The following CEP95 variants were observed in gnomAD, a reference collection of about 807,000 sequenced individuals.
The protein encoded by CEP95 is centrosomal protein 95.
CEP95 carries 98 observed loss-of-function variants against 111.2 expected under a neutral mutation model. The ratio of observed to expected loss-of-function variants is 0.88; its 90% confidence interval spans 0.75 to 1.04. The LOEUF (loss-of-function observed/expected upper bound fraction) is 1.04, where lower values mean the gene tolerates loss of function less well. CEP95 is among the 50% of genes least tolerant of loss of function. The pLI is 0.00. For synonymous variants in CEP95, 323 were observed against 327.1 expected, an observed-to-expected ratio of 0.99 and a Z score of 0.14; for missense variants, 1,027 against 977.2, an observed-to-expected ratio of 1.05 and a Z score of -0.68.
intron 11 of CEP95, among the ~76,000 whole-genome samples, chr17:64,528,378 C>G (rs1443825876): frequency 6.6e-6 from 1 of 152,106 alleles, no homozygotes; most frequent in Non-Finnish European, 1.5e-5. Flanking sequence ...AAGGACTCAG[C>G]TAATTTCTAG....
chr17:64,527,310 A>G, intron 11 of CEP95, 46 bp downstream of exon 11: 1 of 1,448,232 alleles, frequency 6.9e-7, no homozygotes, highest in Non-Finnish European at 9.3e-7. Flanking sequence ...CATGTGAACT[A>G]CTTAGGCAGT....
chr17:64,522,622 TATAG>T, intron 7 of CEP95, 76 bp from the exon 8 acceptor site: 2 of 854,034 alleles, frequency 2.3e-6, no homozygotes, highest in Non-Finnish European at 3.7e-6. Flanking sequence ...AACATGTTTA[TATAG>T]GTATGTATGT....
chr17:64,536,064 A>C (rs1555681483), intron 17 of CEP95: 1 of 152,248 alleles, frequency 6.6e-6, no homozygotes, highest in Admixed American at 6.5e-5. Context: ...GGACAGGGGG[A>C]ATGAGCACTA....
intron 2 of CEP95, 73 bp downstream of exon 2, chr17:64,508,793 C>T (rs1216028083): frequency 3.2e-6 from 2 of 626,572 alleles, no homozygotes; most frequent in African/African-American, 3.8e-5. Context: ...TAGTTAGATT[C>T]TTTGATATTT....
rs1555679804 is a variant in CEP95 at position 64,529,375 on chromosome 17, GA to G, written c.1399del (p.Arg467GlyfsTer26). 3 of 1,613,720 alleles carry G rather than the reference GA, an allele frequency of 1.9e-6. No individual in the cohort carries two copies. Among genetic ancestry groups the G allele is most frequent in the Non-Finnish European group, 1.7e-6 (2 of 1,179,834 alleles). On this transcript the variant is annotated frameshift_variant, in exon 12 of 20. Transcript: ENST00000556440. LOFTEE classifies it high-confidence loss of function. The part of the protein sequence containing the change: ...VNKHKQFHLE[R>X]KRQRKPRETD... ...AAACACAAACAGTTCCACTTGGAGA[GA>G]AAAAGGCAGCGCAAGCCAAGAGAAA...
rs28624236 is a variant in CEP95 at position 64,509,514 on chromosome 17, A to G, written c.149-659A>G. ...AGCCTGGCCAATATGGCAAAATGCCATCTCTGCTAAAAATACAAAAATTAG... is the reference window on the plus strand; with the variant it reads ...AGCCTGGCCAATATGGCAAAATGCCGTCTCTGCTAAAAATACAAAAATTAG... On this transcript the variant is annotated intron_variant, in intron 2 of 19. Coordinates refer to ENST00000556440, the MANE Select transcript of CEP95 (RefSeq NM_138363.3). Among the ~76,000 whole-genome samples, 1,220 of 152,270 alleles carry G rather than the reference A, an allele frequency of 8.0e-3. 17 individuals are homozygous for G. Among genetic ancestry groups the G allele is most frequent in the African/African-American group, 0.028 (1,155 of 41,558 alleles).
At chr17:64,512,441 C>T (rs1555675375) in intron 3 of CEP95, among the ~76,000 whole-genome samples, 1 of 152,100 alleles carries the variant, frequency 6.6e-6, no homozygotes, top group Admixed American at 6.5e-5. Context: ...ATACTGTATT[C>T]TAAAACTAAG....
At chr17:64,526,302 T>C in intron 10 of CEP95, 102 bp downstream of exon 10, 1 of 1,115,018 alleles carries the variant, frequency 9.0e-7, no homozygotes, top group East Asian at 2.5e-5. Flanking sequence ...TAGTTGTGTC[T>C]TATTAATAGT....
Position 64,531,932 on chromosome 17 carries a change from G to A in CEP95, c.1582G>A (p.Glu528Lys). ...RGEAVRKGTP[E>K]CSQPWKIYSR... ...AGAAGCTGTTCGTAAAGGAACTCCA[G>A]AATGTAGTCAGCCCTGGAAGATTTA... is the stretch of plus-strand genomic sequence containing the variant. Residue 528 changes from glutamate to lysine, a missense_variant, in exon 14 of 20, where the codon GAA becomes AAA. By Grantham distance (56) the Glu-to-Lys change is moderately conservative. Transcript: ENST00000556440. 1 of 1,609,114 alleles carries A rather than the reference G, an allele frequency of 6.2e-7. No homozygotes were observed. Among genetic ancestry groups the A allele is most frequent in the Non-Finnish European group, 8.5e-7 (1 of 1,178,192 alleles).
chr17:64,512,600 G>A (rs2038954200), intron 3 of CEP95, among the ~76,000 whole-genome samples: 1 of 152,176 alleles, frequency 6.6e-6, no homozygotes, highest in African/African-American at 2.4e-5. Flanking sequence ...GATTTATACT[G>A]TTGATTTATT....
At chr17:64,521,665 C>T in intron 7 of CEP95, 138 bp downstream of exon 7, 2 of 707,648 alleles carry the variant, frequency 2.8e-6, no homozygotes, top group Non-Finnish European at 2.2e-6. Context: ...TAAATGTTTG[C>T]TATTAATTAT....
chr17:64,524,169 G>A (rs1967603452), intron 8 of CEP95, among the ~76,000 whole-genome samples: 1 of 152,026 alleles, frequency 6.6e-6, no homozygotes, highest in Admixed American at 6.6e-5. Flanking sequence ...TTTCTGAGTT[G>A]GTAATACTCT....
At chr17:64,526,273 AAGTG>A in intron 10 of CEP95, 73 bp downstream of exon 10, 1 of 1,404,922 alleles carries the variant, frequency 7.1e-7, no homozygotes, top group Non-Finnish European at 9.6e-7. Context: ...TCTCAATTGA[AAGTG>A]AGGTATTAGA....
intron 3 of CEP95, 125 bp downstream of exon 3, chr17:64,510,405 T>G: frequency 1.5e-6 from 1 of 650,394 alleles, no homozygotes; most frequent in South Asian, 1.9e-5. Flanking sequence ...AAGATTGAGC[T>G]AAGACAATCA....
chr17:64,536,711 AT>A lies in CEP95; in HGVS notation c.2181del (p.Asp727GlufsTer42). The part of the protein sequence containing the change: ...KRDEQRRRHQ[D>X]ELDSMENYYK... The stretch of plus-strand genomic sequence containing the variant: ...GATGAACAAAGGAGACGCCACCAGG[AT>A]GAACTGGACTCCATGGAGAACTACT... On this transcript the variant is annotated frameshift_variant, in exon 18 of 20. Coordinates refer to ENST00000556440, the MANE Select transcript of CEP95 (RefSeq NM_138363.3). LOFTEE classifies it high-confidence loss of function. 1 of 1,612,740 alleles carries A rather than the reference AT, an allele frequency of 6.2e-7. No homozygotes were observed. The highest frequency in any genetic ancestry group is 8.5e-7 in the Non-Finnish European group (1 of 1,179,524).
At position 64,530,522 on chromosome 17, in the gene CEP95, T is replaced by C. The variant is rs1419284111; in HGVS notation, c.1447-404T>C. Among the ~76,000 whole-genome samples, 46 of 93,114 alleles carry C rather than the reference T, an allele frequency of 4.9e-4. No homozygotes were observed. The South Asian group carries it at 6.4e-3, about 13-fold the overall frequency. 61.1% of individuals were successfully genotyped at this position (93,114 alleles called of 152,430 possible). On this transcript the variant is annotated intron_variant, in intron 12 of 19. Transcript: ENST00000556440. ...CTCTTTTGTATTTTTTTTTTTTTTT[T>C]CTCAAGGTGGAGATTCACTCTTGCC...
chr17:64,506,890 G>C, upstream of CEP95: 1 of 657,624 alleles, frequency 1.5e-6, no homozygotes, highest in Non-Finnish European at 2.8e-6. Flanking sequence ...AACCGCCCCC[G>C]TTTCACGTCC....
At chr17:64,525,538 T>G (rs1967744215) in intron 8 of CEP95, among the ~76,000 whole-genome samples, 1 of 152,198 alleles carries the variant, frequency 6.6e-6, no homozygotes, top group Non-Finnish European at 1.5e-5. Context: ...GCCTGTGTTT[T>G]TATTTGAATG....
chr17:64,531,899 T>C lies in CEP95; in HGVS notation c.1549T>C (p.Tyr517His), dbSNP rs781873609. 1.1e-5 allele frequency: 18 copies of C among 1,573,224 alleles called. No individual in the cohort carries two copies. The highest frequency in any genetic ancestry group is 2.7e-5 in the African/African-American group (2 of 72,772). Reference protein sequence around the residue: ...HEKEEETEKIYRGEAVRKGTP... With the variant: ...HEKEEETEKIHRGEAVRKGTP... ...TATATCTGCTTCTAAGGAAAAAATATACAGAGGAGAAGCTGTTCGTAAAGG... is the reference window on the plus strand; with the variant it reads ...TATATCTGCTTCTAAGGAAAAAATACACAGAGGAGAAGCTGTTCGTAAAGG... The change falls in exon 14 of 20, where the codon TAC (tyrosine) becomes CAC (histidine). Residue 517 changes from tyrosine to histidine, a missense_variant. Tyr to His is a moderately conservative substitution (Grantham distance 83). Coordinates refer to ENST00000556440, the MANE Select transcript of CEP95 (RefSeq NM_138363.3).
Sources: gnomAD v4.1 joint callset for allele counts (sites outside exome capture counted in the v4.1 genomes callset) on GRCh38, gnomAD v4.1.1 for gene constraint, MANE v1.5 for transcripts, NCBI Gene and HGNC (gene_info 2026-07-23, HGNC 2026-07-21) for gene names.